SLAMF1: variants seen among roughly 807,000 people sequenced by gnomAD.
The protein encoded by SLAMF1 is signaling lymphocytic activation molecule.
A neutral mutation model predicts 35.1 loss-of-function variants in SLAMF1; 18 were observed. That is an observed-to-expected ratio of 0.51 (90% CI 0.35 to 0.76). SLAMF1 has a LOEUF of 0.76. SLAMF1 is among the 30% of genes least tolerant of loss of function. The probability of loss-of-function intolerance (pLI) is 0.01; values close to 1 mark genes in which losing one functional copy is unlikely to be tolerated. For missense variants in SLAMF1, 392 were observed against 413.0 expected (o/e 0.95, Z 0.44); for synonymous variants, 168 against 157.2 (o/e 1.07, Z -0.51).
chr1:160,630,287 T>C (rs1163715687), intron 3 of SLAMF1, among the ~76,000 whole-genome samples: 1 of 152,170 alleles, frequency 6.6e-6, no homozygotes, highest in African/African-American at 2.4e-5. Context: ...ATGATAGACA[T>C]TAACACACTG....
chr1:160,636,498 T>A (rs1275922018), intron 2 of SLAMF1, among the ~76,000 whole-genome samples: 1 of 152,172 alleles, frequency 6.6e-6, no homozygotes, highest in South Asian at 2.1e-4. Context: ...AGAGACACAA[T>A]CCCTGGGTGC....
At position 160,624,650 on chromosome 1, in the gene SLAMF1, A is replaced by G. The variant is rs114377799; in HGVS notation, c.701-465T>C. On this transcript the variant is annotated intron_variant, in intron 3 of 6. Transcript: ENST00000302035. ...AAAGATCTACTTATCTTTTTTAAAAATAAACATAATAGTGCTATTGTTGTC... is the reference window on the plus strand; with the variant it reads ...AAAGATCTACTTATCTTTTTTAAAAGTAAACATAATAGTGCTATTGTTGTC... 4.2e-3 allele frequency among the ~76,000 whole-genome samples: 639 copies of G among 152,356 alleles called. 3 individuals carry two copies. The highest frequency in any genetic ancestry group is 0.015 in the African/African-American group (609 of 41,588).
chr1:160,634,737 G>A lies in SLAMF1; in HGVS notation c.576C>T (p.His192=). 1.2e-6 allele frequency: 2 copies of A among 1,614,196 alleles called. No individual in the cohort carries two copies. Among genetic ancestry groups the A allele is most frequent in the Non-Finnish European group, 8.5e-7 (1 of 1,180,028 alleles). The part of the protein sequence containing the change: ...THPLNPANSS[H]LLSLTLGPQH... The stretch of plus-strand genomic sequence containing the variant: ...GGGGGCCGAGGGTGAGGGACAGGAG[G>A]TGGGAGCTGTTGGCTGGGTTCAGTG... The change falls in exon 3 of 7, where the codon CAC becomes CAT. Residue 192 remains histidine, a synonymous_variant. Coordinates refer to ENST00000302035, the MANE Select transcript of SLAMF1 (RefSeq NM_003037.5).
intron 2 of SLAMF1, chr1:160,636,882 T>C (rs1333099093): frequency 3.0e-6 from 1 of 334,900 alleles, no homozygotes; most frequent in East Asian, 5.8e-5. Context: ...TCAAATAAAA[T>C]ATTACTTGCA....
intron 5 of SLAMF1, among the ~76,000 whole-genome samples, chr1:160,613,193 C>A (rs934908065): frequency 7.2e-5 from 11 of 152,192 alleles, no homozygotes; most frequent in African/African-American, 2.7e-4. Flanking sequence ...TCCTTTCTAT[C>A]ACTATTCTTT....
At chr1:160,625,018 C>T (rs1659805787) in intron 3 of SLAMF1, among the ~76,000 whole-genome samples, 4 of 152,198 alleles carry the variant, frequency 2.6e-5, no homozygotes, top group South Asian at 2.1e-4. Context: ...TCACAATAAT[C>T]TTACAAGGTA....
At chr1:160,641,370 C>G (rs898371412) in intron 1 of SLAMF1, among the ~76,000 whole-genome samples, 2 of 152,042 alleles carry the variant, frequency 1.3e-5, no homozygotes, top group African/African-American at 4.8e-5. Context: ...CCCCACCTAA[C>G]CTTGCACACT....
Position 160,610,518 on chromosome 1 carries a change from C to A in SLAMF1, c.*230G>T. 1 of 571,652 alleles carries A rather than the reference C, an allele frequency of 1.7e-6. No individual in the cohort carries two copies. The highest frequency in any genetic ancestry group is 3.2e-6 in the Non-Finnish European group (1 of 311,684). 35.4% of individuals were successfully genotyped at this position (571,652 alleles called of 1,614,324 possible). A position where few individuals can be genotyped will look rare whatever the true frequency, so the allele number is the denominator to read the frequency against. The stretch of plus-strand genomic sequence containing the variant: ...GATGGAACGCTGTTATCAAGTAACG[C>A]TCTGTTCTGCGCCTGCAGCCACTGC... On this transcript the variant is annotated 3_prime_UTR_variant, in exon 7 of 7. Coordinates refer to ENST00000302035, the MANE Select transcript of SLAMF1 (RefSeq NM_003037.5).
intron 2 of SLAMF1, among the ~76,000 whole-genome samples, chr1:160,636,239 T>C (rs978164485): frequency 5.9e-5 from 9 of 152,170 alleles, no homozygotes; most frequent in Non-Finnish European, 1.0e-4. Flanking sequence ...TGGAAATGAC[T>C]CTCAGGTACC....
chr1:160,613,284 T>C (rs1259933710), intron 5 of SLAMF1, among the ~76,000 whole-genome samples: 1 of 152,264 alleles, frequency 6.6e-6, no homozygotes, highest in Non-Finnish European at 1.5e-5. Flanking sequence ...TTTATGGCAC[T>C]CTATGCTATA....
intron 3 of SLAMF1, among the ~76,000 whole-genome samples, chr1:160,626,762 A>T (rs1025517370): frequency 2.6e-5 from 4 of 152,030 alleles, no homozygotes; most frequent in Admixed American, 2.6e-4. Flanking sequence ...TTTGACTCAA[A>T]CCTTTTGAGT....
At chr1:160,633,966 T>G in intron 3 of SLAMF1, among the ~76,000 whole-genome samples, 1 of 152,158 alleles carries the variant, frequency 6.6e-6, no homozygotes, top group East Asian at 1.9e-4. Flanking sequence ...CAGTTGAGAG[T>G]GCTTTGCTAA....
intron 5 of SLAMF1, among the ~76,000 whole-genome samples, chr1:160,615,245 T>C (rs1161739695): frequency 6.6e-6 from 1 of 152,008 alleles, no homozygotes; most frequent in African/African-American, 2.4e-5. Flanking sequence ...AAAACAATAA[T>C]AATTATGTCT....
intron 3 of SLAMF1, among the ~76,000 whole-genome samples, chr1:160,630,774 C>T (rs1490962186): frequency 2.0e-5 from 3 of 152,172 alleles, no homozygotes; most frequent in Non-Finnish European, 4.4e-5. Context: ...GATGGTGTCA[C>T]TCCTCTATCT....
intron 5 of SLAMF1, among the ~76,000 whole-genome samples, chr1:160,613,392 G>A (rs1359056654): frequency 1.3e-5 from 2 of 152,100 alleles, no homozygotes; most frequent in African/African-American, 2.4e-5. Flanking sequence ...GAACAGTATT[G>A]GACACATAAA....
chr1:160,641,956 A>G (rs1000644527), intron 1 of SLAMF1, among the ~76,000 whole-genome samples: 9 of 152,212 alleles, frequency 5.9e-5, no homozygotes, highest in Non-Finnish European at 1.2e-4. Flanking sequence ...TTGGTCAAAA[A>G]TTATTAATAG....
chr1:160,623,638 G>A (rs752276538), intron 4 of SLAMF1: 1 of 398,678 alleles, frequency 2.5e-6, no homozygotes, highest in African/African-American at 2.1e-5. Flanking sequence ...ATTTGGAAGA[G>A]AGGACAGGGG....
In SLAMF1 at chr1:160,637,150, C is replaced by T. The variant is rs373039304; in HGVS notation, c.415+41G>A. 156 of 1,421,038 alleles carry T rather than the reference C, an allele frequency of 1.1e-4. No individual in the cohort carries two copies. The African/African-American group carries it at 1.9e-3, about 18-fold the overall frequency. 88.0% of individuals were successfully genotyped at this position (1,421,038 alleles called of 1,614,324 possible). On this transcript the variant is annotated intron_variant, in intron 2 of 6. Coordinates refer to ENST00000302035, the MANE Select transcript of SLAMF1 (RefSeq NM_003037.5). ...CCTAAATTCTTGGTCAAAGGAGCAC[C>T]TTGGCCCTTTAGTGTGGACTGGGGA...
chr1:160,637,353 C>A lies in SLAMF1; in HGVS notation c.253G>T (p.Glu85Ter). 6.2e-7 allele frequency: 1 copy of A among 1,614,094 alleles called. No homozygotes were observed. Among genetic ancestry groups the A allele is most frequent in the Non-Finnish European group, 8.5e-7 (1 of 1,179,990 alleles). The change falls in exon 2 of 7, where the codon GAA becomes TAA. Residue 85 changes from glutamate (E) to a stop codon, truncating the protein, a stop_gained. Coordinates refer to ENST00000302035, the MANE Select transcript of SLAMF1 (RefSeq NM_003037.5). LOFTEE classifies it high-confidence loss of function. The stretch of plus-strand genomic sequence containing the variant: ...CCTAGATAACGTGGAGGGCCTGCTT[C>A]GGATGGATCAAGAGACACTATTTTG... Reference protein sequence around the residue: ...ENKIVSLDPSEAGPPRYLGDR... With the variant: ...ENKIVSLDPS
Sources: gnomAD v4.1 joint callset for allele counts (sites outside exome capture counted in the v4.1 genomes callset) on GRCh38, gnomAD v4.1.1 for gene constraint, MANE v1.5 for transcripts, NCBI Gene and HGNC (gene_info 2026-07-23, HGNC 2026-07-21) for gene names.